The following ADCY6 variants were observed in gnomAD, a reference collection of about 807,000 sequenced individuals.
The protein encoded by ADCY6 is adenylate cyclase type 6.
A neutral mutation model predicts 111.6 loss-of-function variants in ADCY6; 59 were observed. That is an observed-to-expected ratio of 0.53 (90% CI 0.43 to 0.66). ADCY6 has a LOEUF of 0.66. ADCY6 is among the 30% of genes least tolerant of loss of function. ADCY6 has a pLI of 0.00. For missense variants in ADCY6, 1,242 were observed against 1,595.6 expected (o/e 0.78, Z 3.78); for synonymous variants, 576 against 642.9 (o/e 0.90, Z 1.57).
At chr12:48,785,661 G>GA (rs1240884116) in intron 1 of ADCY6, among the ~76,000 whole-genome samples, 2 of 152,120 alleles carry the variant, frequency 1.3e-5, no homozygotes, top group Non-Finnish European at 2.9e-5. Flanking sequence ...TGAGTAGATG[G>GA]ATGACTGGAT....
chr12:48,776,983 A>G lies in ADCY6; in HGVS notation c.1376+121T>C. On this transcript the variant is annotated intron_variant, in intron 6 of 21. Transcript: ENST00000357869. The surrounding 1 kb of genome is among the most constrained non-coding windows in gnomAD (Gnocchi z 6.1). ...GAGAAAGATTCCCCTTCCCAGTGAC[A>G]GACAGACCTCAAAGACAGAGAAAGC... 1 of 1,397,262 alleles carries G rather than the reference A, an allele frequency of 7.2e-7. No individual in the cohort carries two copies. Among genetic ancestry groups the G allele is most frequent in the Non-Finnish European group, 9.6e-7 (1 of 1,038,018 alleles). 86.6% of individuals were successfully genotyped at this position (1,397,262 alleles called of 1,614,324 possible).
chr12:48,775,237 T>A, intron 11 of ADCY6, 66 bp downstream of exon 11: 1 of 1,602,860 alleles, frequency 6.2e-7, no homozygotes. Flanking sequence ...TCACCTGTGC[T>A]CAGCCTTCCC....
intron 20 of ADCY6, among the ~76,000 whole-genome samples, chr12:48,770,432 C>T (rs953996336): frequency 6.6e-6 from 1 of 152,090 alleles, no homozygotes; most frequent in Non-Finnish European, 1.5e-5. Flanking sequence ...CAGATAAGGA[C>T]AGAAGTATTC....
At chr12:48,784,676 T>TTTTTTTTTTTTTG (rs1941945937) in intron 1 of ADCY6, among the ~76,000 whole-genome samples, 1 of 139,704 alleles carries the variant, frequency 7.2e-6, no homozygotes, top group Admixed American at 7.0e-5. Flanking sequence ...TTTTTTTTTT[T>TTTTTTTTTTTTTG]TTTTTTTTTT....
intron 1 of ADCY6, among the ~76,000 whole-genome samples, chr12:48,784,800 A>G (rs186578313): frequency 7.3e-5 from 11 of 150,416 alleles, no homozygotes; most frequent in East Asian, 5.9e-4. Context: ...AATAGCTGGG[A>G]CTACAGGCGC....
Position 48,782,845 on chromosome 12 carries a change from A to G in ADCY6, c.590T>C (p.Val197Ala). ...CTGGCGGAAGCTATGCCGGTTACAC[A>G]CCACCATGAGCCCCACGAACAGGGC... ...AAALFVGLMV[V>A]CNRHSFRQDS... The change falls in exon 2 of 22, where the codon GTG becomes GCG. Residue 197 changes from valine to alanine, a missense_variant. By Grantham distance (64) the Val-to-Ala change is moderately conservative. Around this residue, in one of 4 missense-constraint regions of ADCY6, gnomAD observed 362 missense variants for 377.2 expected, o/e 0.96. Coordinates refer to ENST00000357869, the MANE Select transcript of ADCY6 (RefSeq NM_015270.5). The surrounding 1 kb of genome is among the most constrained non-coding windows in gnomAD (Gnocchi z 4.3). 6.2e-7 allele frequency: 1 copy of G among 1,614,042 alleles called. No homozygotes were observed. The highest frequency in any genetic ancestry group is 8.5e-7 in the Non-Finnish European group (1 of 1,179,948).
rs187444340 is a variant in ADCY6 at position 48,766,658 on chromosome 12, T to C, written c.*1933A>G. On this transcript the variant is annotated 3_prime_UTR_variant, in exon 22 of 22. Coordinates refer to ENST00000357869, the MANE Select transcript of ADCY6 (RefSeq NM_015270.5). ...GGCCCATTTGGTTGATGCATGAAGA[T>C]GCCCAAGGGAGGCATTACCCAGAAA... 1 of 152,760 alleles carries C rather than the reference T, an allele frequency of 6.5e-6. No individual in the cohort carries two copies. The highest frequency in any genetic ancestry group is 6.5e-5 in the Admixed American group (1 of 15,298). The allele number at this position is 152,760 out of a possible 1,614,324, so 9.5% of individuals were successfully genotyped here. A position where few individuals can be genotyped will look rare whatever the true frequency, so the allele number is the denominator to read the frequency against.
chr12:48,777,553 C>A lies in ADCY6; in HGVS notation c.1137-32G>T, dbSNP rs139858954. The A allele has an allele frequency of 1.1e-5, 18 of 1,612,842 alleles. No homozygotes were observed. In the African/African-American group the frequency reaches 2.2e-4, roughly 19 times the overall value. ...ATGACAGCAGAGGATGAACAGAACA[C>A]ATAGCCCTCAAAGACTTCCAGACCC... On this transcript the variant is annotated intron_variant, in intron 4 of 21. Transcript: ENST00000357869. The surrounding 1 kb of genome is among the most constrained non-coding windows in gnomAD (Gnocchi z 4.9).
At chr12:48,779,423 C>G (rs1384837826) in intron 2 of ADCY6, among the ~76,000 whole-genome samples, 1 of 152,170 alleles carries the variant, frequency 6.6e-6, no homozygotes, top group Admixed American at 6.5e-5. Flanking sequence ...TTCCTACTCA[C>G]TCTACTGAGT....
Position 48,771,874 on chromosome 12 carries a change from G to A in ADCY6, c.2887C>T (p.Arg963Trp), listed in dbSNP as rs368945637. The change falls in exon 19 of 22, where the codon CGG (arginine) becomes TGG (tryptophan). Residue 963 changes from arginine to tryptophan, a missense_variant. By Grantham distance (101) the Arg-to-Trp change is moderately radical. Around this residue, in one of 4 missense-constraint regions of ADCY6, gnomAD observed 245 missense variants for 371.3 expected, o/e 0.66. Transcript: ENST00000357869. This position sits in a 1 kb window ranked among gnomAD's most constrained non-coding sequence, Gnocchi z 4.3. ...PKDVAAHFLA[R>W]ERRNDELYYQ... The stretch of plus-strand genomic sequence containing the variant: ...TAGAGTTCATCATTGCGGCGCTCCC[G>A]GGCCAGGAAGTGGGCCGCCACGTCC... The A allele has an allele frequency of 1.9e-5, 30 of 1,614,022 alleles. No homozygotes were observed. Among genetic ancestry groups the A allele is most frequent in the East Asian group, 1.1e-4 (5 of 44,898 alleles).
intron 1 of ADCY6, among the ~76,000 whole-genome samples, chr12:48,787,985 C>T (rs1942010987): frequency 6.6e-6 from 1 of 152,214 alleles, no homozygotes; most frequent in Admixed American, 6.5e-5. Flanking sequence ...CCCATCTGCC[C>T]CTGCCCTCCT....
chr12:48,787,879 G>A (rs1472857854), intron 1 of ADCY6, among the ~76,000 whole-genome samples: 2 of 152,182 alleles, frequency 1.3e-5, no homozygotes, highest in East Asian at 3.9e-4. Flanking sequence ...ACCAGAGTTT[G>A]GAACCAGCCA....
intron 18 of ADCY6, 98 bp from the exon 19 acceptor site, chr12:48,772,071 G>GA: frequency 6.7e-7 from 1 of 1,487,276 alleles, no homozygotes; most frequent in Non-Finnish European, 8.9e-7. Flanking sequence ...ATCACATAGA[G>GA]AAAGAAAGGC....
intron 2 of ADCY6, 34 bp from the exon 3 acceptor site, chr12:48,778,291 C>A: frequency 6.2e-7 from 1 of 1,613,582 alleles, no homozygotes. Flanking sequence ...CAGTGACCAT[C>A]TCCTCTGCCT....
chr12:48,779,792 A>G (rs1053672417), intron 2 of ADCY6, among the ~76,000 whole-genome samples: 7 of 152,188 alleles, frequency 4.6e-5, no homozygotes, highest in Non-Finnish European at 8.8e-5. Flanking sequence ...TGGAAGCCAG[A>G]GGTTCTGGGC....
chr12:48,775,541 G>C, intron 10 of ADCY6, 91 bp from the exon 11 acceptor site: 1 of 1,589,628 alleles, frequency 6.3e-7, no homozygotes, highest in South Asian at 1.1e-5. Flanking sequence ...CCTGAGGGAG[G>C]GAGGGAGAGC....
In ADCY6 at chr12:48,771,627, T is replaced by C; in HGVS notation, c.3051+83A>G. The C allele has an allele frequency of 6.3e-7, 1 of 1,590,136 alleles. No individual in the cohort carries two copies. Among genetic ancestry groups the C allele is most frequent in the Non-Finnish European group, 8.6e-7 (1 of 1,166,928 alleles). On this transcript the variant is annotated intron_variant, in intron 19 of 21. Coordinates refer to ENST00000357869, the MANE Select transcript of ADCY6 (RefSeq NM_015270.5). The surrounding 1 kb of genome is among the most constrained non-coding windows in gnomAD (Gnocchi z 4.3). Reference sequence around the variant, plus strand: ...GGGTCCCATCAAATCTCTCTCTCTCTTCCCAGTTCCACTCACCCATTCCAA... The same window carrying C: ...GGGTCCCATCAAATCTCTCTCTCTCCTCCCAGTTCCACTCACCCATTCCAA...
rs149039648 is a variant in ADCY6, at chr12:48,776,138, G to A, written c.1678-47C>T. On this transcript the variant is annotated intron_variant, in intron 8 of 21. Coordinates refer to ENST00000357869, the MANE Select transcript of ADCY6 (RefSeq NM_015270.5). The surrounding 1 kb of genome is among the most constrained non-coding windows in gnomAD (Gnocchi z 6.1). ...AGGCTCAGAAGAGGGGCCCAGAGGA[G>A]GCCTTGGCCTGCTCCTCCCCATTTG... 1.2e-6 allele frequency: 2 copies of A among 1,613,794 alleles called. No individual in the cohort carries two copies. Among genetic ancestry groups the A allele is most frequent in the Non-Finnish European group, 8.5e-7 (1 of 1,179,832 alleles).
At chr12:48,788,491 C>G (rs1457002835) in intron 1 of ADCY6, among the ~76,000 whole-genome samples, 1 of 152,072 alleles carries the variant, frequency 6.6e-6, no homozygotes, top group Non-Finnish European at 1.5e-5. Context: ...AGAGGGACTC[C>G]CGCAGACAGA....
Sources: allele counts gnomAD v4.1 joint callset (sites outside exome capture counted in the v4.1 genomes callset), GRCh38; gene constraint gnomAD v4.1.1; regional missense constraint gnomAD v4.1.1; non-coding constraint Gnocchi (gnomAD v3.1); transcripts MANE v1.5; gene names NCBI Gene and HGNC (gene_info 2026-07-23, HGNC 2026-07-21).